The following TNFSF4 variants were observed in gnomAD, a reference collection of about 807,000 sequenced individuals.
The protein encoded by TNFSF4 is tumor necrosis factor ligand superfamily member 4.
A neutral mutation model predicts 7.3 loss-of-function variants in TNFSF4; 4 were observed. That is an observed-to-expected ratio of 0.55 (90% CI 0.27 to 1.25). TNFSF4 has a LOEUF of 1.25. Ranked by LOEUF, TNFSF4 falls within the 50% of genes most tolerant of loss-of-function variation. The pLI is 0.12. For synonymous variants in TNFSF4, 76 were observed against 83.7 expected, an observed-to-expected ratio of 0.91 and a Z score of 0.50; for missense variants, 181 against 208.8, an observed-to-expected ratio of 0.87 and a Z score of 0.82.
chr1:173,300,852 T>C, the TNFSF4 span, among the ~76,000 whole-genome samples: 1 of 151,880 alleles, frequency 6.6e-6, no homozygotes, highest in South Asian at 2.1e-4. Flanking sequence ...GGGTTTACTG[T>C]TTAGTGTCAA....
In TNFSF4 at chr1:173,201,311, T is replaced by G. The variant is rs141207362; in HGVS notation, c.153+5713A>C. ...AATCTATGTTTAAAAATAATAGGAC[T>G]CTTCCAAGGTGGATTTTTTAATCCT... On this transcript the variant is annotated intron_variant, in intron 1 of 2. Coordinates refer to ENST00000281834, the MANE Select transcript of TNFSF4 (RefSeq NM_003326.5). Among the ~76,000 whole-genome samples, 136 of 152,314 alleles carry G rather than the reference T, an allele frequency of 8.9e-4. 1 individual carries two copies. The East Asian group carries it at 0.018, about 20-fold the overall frequency.
chr1:173,249,440 G>A, the TNFSF4 span, among the ~76,000 whole-genome samples: 8 of 152,194 alleles, frequency 5.3e-5, no homozygotes, highest in African/African-American at 1.7e-4. Context: ...ATCATAGCAA[G>A]GGAAAGCTAT....
At chr1:173,273,942 T>C in the TNFSF4 span, among the ~76,000 whole-genome samples, 1 of 152,114 alleles carries the variant, frequency 6.6e-6, no homozygotes, top group African/African-American at 2.4e-5. Context: ...TAGCTTTCTA[T>C]AATATTTATT....
the TNFSF4 span, among the ~76,000 whole-genome samples, chr1:173,439,419 T>G: frequency 6.6e-6 from 1 of 152,202 alleles, no homozygotes; most frequent in Non-Finnish European, 1.5e-5. Context: ...TCTGCCATAG[T>G]GAGCACAGCT....
the TNFSF4 span, among the ~76,000 whole-genome samples, chr1:173,384,157 T>A: frequency 6.6e-6 from 1 of 152,192 alleles, no homozygotes; most frequent in Non-Finnish European, 1.5e-5. Context: ...TGCTAAAGGG[T>A]GTGAGGAACT....
the TNFSF4 span, among the ~76,000 whole-genome samples, chr1:173,303,772 A>G: frequency 3.6e-4 from 55 of 152,038 alleles, no homozygotes; most frequent in African/African-American, 1.3e-3. Flanking sequence ...ACTAAATATT[A>G]TATTATTCTC....
chr1:173,329,965 C>T, the TNFSF4 span, among the ~76,000 whole-genome samples: 3 of 152,160 alleles, frequency 2.0e-5, no homozygotes, highest in African/African-American at 7.2e-5. Context: ...ATCAGTGATG[C>T]ATAAACTCTA....
At chr1:173,374,487 T>C in the TNFSF4 span, among the ~76,000 whole-genome samples, 2 of 152,090 alleles carry the variant, frequency 1.3e-5, no homozygotes, top group East Asian at 1.9e-4. Flanking sequence ...TGCATGACTG[T>C]AAGCTCAGGA....
the TNFSF4 span, among the ~76,000 whole-genome samples, chr1:173,401,021 CAT>C: frequency 2.6e-5 from 4 of 151,198 alleles, no homozygotes; most frequent in East Asian, 5.8e-4. Flanking sequence ...TGTGTGTGTG[CAT>C]ATATATATAT....
chr1:173,363,651 T>C, the TNFSF4 span: 1 of 361,976 alleles, frequency 2.8e-6, no homozygotes, highest in South Asian at 2.8e-5. Context: ...CATTTGGAGA[T>C]GAAGAATGCT....
At chr1:173,412,688 T>C in the TNFSF4 span, among the ~76,000 whole-genome samples, 1 of 152,206 alleles carries the variant, frequency 6.6e-6, no homozygotes, top group African/African-American at 2.4e-5. Context: ...TCCATTCATA[T>C]AGAATTTAAA....
chr1:173,232,964 A>G, the TNFSF4 span, among the ~76,000 whole-genome samples: 5 of 152,216 alleles, frequency 3.3e-5, no homozygotes, highest in African/African-American at 1.2e-4. Flanking sequence ...CAGCAATGGA[A>G]CAAAGCTGGA....
the TNFSF4 span, among the ~76,000 whole-genome samples, chr1:173,218,097 A>G: frequency 6.6e-6 from 1 of 152,280 alleles, no homozygotes; most frequent in South Asian, 2.1e-4. Context: ...GTGCTGGGCT[A>G]GATAGACCCT....
At chr1:173,317,335 G>A in the TNFSF4 span, among the ~76,000 whole-genome samples, 1 of 152,172 alleles carries the variant, frequency 6.6e-6, no homozygotes, top group Admixed American at 6.5e-5. Context: ...TACCTGCATG[G>A]TAATCTGTAT....
chr1:173,176,763 T>G, the TNFSF4 span, among the ~76,000 whole-genome samples: 11 of 152,132 alleles, frequency 7.2e-5, no homozygotes, highest in African/African-American at 2.7e-4. Flanking sequence ...AAAATGTGAT[T>G]CATATATACC....
chr1:173,403,296 T>C, the TNFSF4 span, among the ~76,000 whole-genome samples: 1 of 152,194 alleles, frequency 6.6e-6, no homozygotes, highest in Non-Finnish European at 1.5e-5. Flanking sequence ...ACCCTAGAAA[T>C]GCCATCTGTT....
chr1:173,419,842 A>G, the TNFSF4 span, among the ~76,000 whole-genome samples: 1 of 152,026 alleles, frequency 6.6e-6, no homozygotes, highest in Admixed American at 6.6e-5. Flanking sequence ...TAGCTCCTAG[A>G]GCTGACTCTA....
chr1:173,305,137 G>A, the TNFSF4 span, among the ~76,000 whole-genome samples: 4 of 151,872 alleles, frequency 2.6e-5, no homozygotes, highest in African/African-American at 9.7e-5. Flanking sequence ...GAGGCAGGGA[G>A]ACCAGATGAT....
At chr1:173,332,089 C>T in the TNFSF4 span, among the ~76,000 whole-genome samples, 1 of 152,162 alleles carries the variant, frequency 6.6e-6, no homozygotes, top group Non-Finnish European at 1.5e-5. Flanking sequence ...GAAACCCTGC[C>T]TCAGACAAAT....
Sources: gnomAD v4.1 joint callset for allele counts (sites outside exome capture counted in the v4.1 genomes callset) on GRCh38, gnomAD v4.1.1 for gene constraint, MANE v1.5 for transcripts, NCBI Gene and HGNC (gene_info 2026-07-23, HGNC 2026-07-21) for gene names.